MAP2K1: variants seen among roughly 807,000 people sequenced by gnomAD.
The protein encoded by MAP2K1 is dual specificity mitogen-activated protein kinase kinase 1.
In MAP2K1, 16 loss-of-function variants were observed where a neutral mutation model predicts 46.3. That is an observed-to-expected ratio of 0.35 (90% CI 0.23 to 0.52). The LOEUF is 0.52. Among genes scored for constraint, MAP2K1 ranks in the 20% least tolerant of loss-of-function variants. The pLI, the probability that MAP2K1 is intolerant of heterozygous loss-of-function variation, is 0.94. For missense variants in MAP2K1, 263 were observed against 497.1 expected, an observed-to-expected ratio of 0.53 and a Z score of 4.48; for synonymous variants, 183 against 185.6, an observed-to-expected ratio of 0.99 and a Z score of 0.11.
At chr15:66,462,881 G>A (rs1219368186) in intron 5 of MAP2K1, among the ~76,000 whole-genome samples, 2 of 152,200 alleles carry the variant, frequency 1.3e-5, no homozygotes, top group Non-Finnish European at 2.9e-5. Flanking sequence ...TGTAGTCAGT[G>A]CTCGGGAAGG....
At chr15:66,388,634 G>T (rs918946761) in intron 1 of MAP2K1, among the ~76,000 whole-genome samples, 3 of 152,118 alleles carry the variant, frequency 2.0e-5, no homozygotes, top group African/African-American at 7.2e-5. Flanking sequence ...TCCTCCCAAA[G>T]TGCTGGGATT....
intron 3 of MAP2K1, among the ~76,000 whole-genome samples, chr15:66,441,880 A>T (rs1431104718): frequency 6.6e-6 from 1 of 152,196 alleles, no homozygotes; most frequent in Non-Finnish European, 1.5e-5. Context: ...AATTAGGTCT[A>T]CATCTGAGAG....
Position 66,491,462 on chromosome 15 carries a change from C to A in MAP2K1, c.*847C>A, listed in dbSNP as rs1893255198. On this transcript the variant is annotated 3_prime_UTR_variant, in exon 11 of 11. Coordinates refer to ENST00000307102, the MANE Select transcript of MAP2K1 (RefSeq NM_002755.4). ...TAAAATTGTATGAAAATCCTTTTAA[C>A]CATTTTAACCTAGATGTTTAACAAA... is the stretch of plus-strand genomic sequence containing the variant. The A allele has an allele frequency of 9.1e-6, 2 of 218,904 alleles. No homozygotes were observed. The highest frequency in any genetic ancestry group is 4.5e-5 in the African/African-American group (2 of 44,448). 13.6% of individuals were successfully genotyped at this position (218,904 alleles called of 1,614,324 possible).
At chr15:66,453,479 T>C in intron 5 of MAP2K1, 3 of 702,312 alleles carry the variant, frequency 4.3e-6, no homozygotes, top group Non-Finnish European at 7.8e-6. Context: ...CCTGGAAGAA[T>C]GAACTGTAAG....
rs759861076 is a variant in MAP2K1, at chr15:66,489,701, G to A, written c.1023-17G>A. ...AGTGCCAGGCAACAGCTCTTACCTT[G>A]TCTTTCTTCCTTTAAGCTTAATAAA... is the stretch of plus-strand genomic sequence containing the variant. On this transcript the variant is annotated splice_polypyrimidine_tract_variant and intron_variant, in intron 9 of 10. Coordinates refer to ENST00000307102, the MANE Select transcript of MAP2K1 (RefSeq NM_002755.4). 6.2e-7 allele frequency: 1 copy of A among 1,609,350 alleles called. No homozygotes were observed. The highest frequency in any genetic ancestry group is 8.5e-7 in the Non-Finnish European group (1 of 1,175,788).
At chr15:66,442,003 A>T (rs1013507141) in intron 3 of MAP2K1, among the ~76,000 whole-genome samples, 1 of 152,176 alleles carries the variant, frequency 6.6e-6, no homozygotes, top group East Asian at 1.9e-4. Context: ...TCAAGATCGC[A>T]GGTTAAAATG....
chr15:66,399,943 G>A (rs1293998470), intron 1 of MAP2K1, among the ~76,000 whole-genome samples: 2 of 151,972 alleles, frequency 1.3e-5, no homozygotes, highest in Non-Finnish European at 2.9e-5. Context: ...GGGTATATGT[G>A]CAGGTTTGAG....
At chr15:66,438,560 TC>T (rs2140588112) in intron 3 of MAP2K1, among the ~76,000 whole-genome samples, 1 of 152,324 alleles carries the variant, frequency 6.6e-6, no homozygotes, top group African/African-American at 2.4e-5. Context: ...TCCCCTTCCT[TC>T]AAGCCTTCCT....
intron 5 of MAP2K1, among the ~76,000 whole-genome samples, chr15:66,452,472 T>C (rs190962935): frequency 2.8e-4 from 43 of 152,300 alleles, no homozygotes; most frequent in African/African-American, 1.0e-3. Context: ...TTAAGACCTC[T>C]GAGTTCCATG....
intron 1 of MAP2K1, among the ~76,000 whole-genome samples, chr15:66,420,733 G>A (rs370028970): frequency 0.32 from 9,749 of 30,026 alleles, 2,388 homozygotes; most frequent in Non-Finnish European, 0.37. Flanking sequence ...GTGTGTGTGT[G>A]TGTGTGTGTG....
chr15:66,418,778 T>A (rs2093430398), intron 1 of MAP2K1, among the ~76,000 whole-genome samples: 1 of 151,622 alleles, frequency 6.6e-6, no homozygotes, highest in South Asian at 2.1e-4. Flanking sequence ...TTCTCCTGCC[T>A]CAGCCTCCCG....
Position 66,420,918 on chromosome 15 carries a change from CATACAT to C in MAP2K1, c.81-14105_81-14100del, listed in dbSNP as rs1484154369. The stretch of plus-strand genomic sequence containing the variant: ...ACACATACATACATACACACACATA[CATACAT>C]ATATATACACACATACATATATACA... On this transcript the variant is annotated intron_variant, in intron 1 of 10. Coordinates refer to ENST00000307102, the MANE Select transcript of MAP2K1 (RefSeq NM_002755.4). Among the ~76,000 whole-genome samples, 8 of 140,044 alleles carry C rather than the reference CATACAT, an allele frequency of 5.7e-5. No homozygotes were observed. In the East Asian group the frequency reaches 1.0e-3, roughly 18 times the overall value. The allele number at this position is 140,044 out of a possible 152,430, so 91.9% of individuals were successfully genotyped here.
In MAP2K1 at chr15:66,431,686, A is replaced by AT. The variant is rs58119946; in HGVS notation, c.81-3334dup. Reference sequence around the variant, plus strand: ...TCTATTTTACAGAAGAGAAATTCTTATTTTTTTGTTGTTTTTATTTTTAAG... The same window carrying AT: ...TCTATTTTACAGAAGAGAAATTCTTATTTTTTTTGTTGTTTTTATTTTTAAG... On this transcript the variant is annotated intron_variant, in intron 1 of 10. Coordinates refer to ENST00000307102, the MANE Select transcript of MAP2K1 (RefSeq NM_002755.4). Among the ~76,000 whole-genome samples, 1,315 of 152,254 alleles carry AT rather than the reference A, an allele frequency of 8.6e-3. 28 individuals carry two copies. Among genetic ancestry groups the AT allele is most frequent in the African/African-American group, 0.03 (1,250 of 41,566 alleles).
chr15:66,488,103 TG>T (rs1893107778), intron 8 of MAP2K1, among the ~76,000 whole-genome samples: 2 of 150,258 alleles, frequency 1.3e-5, no homozygotes, highest in Non-Finnish European at 1.5e-5. Flanking sequence ...GAGGCTTGGC[TG>T]CATGGCAGTT....
intron 5 of MAP2K1, among the ~76,000 whole-genome samples, chr15:66,455,089 G>T (rs1336436410): frequency 2.0e-5 from 3 of 152,102 alleles, no homozygotes; most frequent in Non-Finnish European, 2.9e-5. Context: ...TTATTTAGGG[G>T]GTAGGCATGG....
chr15:66,436,458 T>C (rs1285178487), intron 2 of MAP2K1, among the ~76,000 whole-genome samples: 1 of 152,202 alleles, frequency 6.6e-6, no homozygotes, highest in East Asian at 1.9e-4. Context: ...AAGGTCAATT[T>C]CTTTTCATAT....
chr15:66,443,211 G>C (rs2093509699), intron 3 of MAP2K1, 69 bp from the exon 4 acceptor site: 1 of 1,044,952 alleles, frequency 9.6e-7, no homozygotes, highest in Non-Finnish European at 1.5e-6. Flanking sequence ...CTCAGCCACA[G>C]CCGAAAGTTA....
At chr15:66,457,614 C>T (rs1478205873) in intron 5 of MAP2K1, among the ~76,000 whole-genome samples, 1 of 151,974 alleles carries the variant, frequency 6.6e-6, no homozygotes, top group African/African-American at 2.4e-5. Context: ...TCTTCCTAAC[C>T]AAAAGGGGAA....
At chr15:66,393,947 CTTTGTAGCGCTGATCACTAACTGA>C (rs1207978784) in intron 1 of MAP2K1, among the ~76,000 whole-genome samples, 2 of 152,130 alleles carry the variant, frequency 1.3e-5, no homozygotes, top group Non-Finnish European at 2.9e-5. Context: ...CCTTATTTTT[CTTTGTAGCGCTGATCACTAACTGA>C]TGTTACATCG....
Sources: gnomAD v4.1 joint callset for allele counts (sites outside exome capture counted in the v4.1 genomes callset) on GRCh38, gnomAD v4.1.1 for gene constraint, MANE v1.5 for transcripts, NCBI Gene and HGNC (gene_info 2026-07-23, HGNC 2026-07-21) for gene names.